NEGR1: variants seen among roughly 807,000 people sequenced by gnomAD.
NEGR1 encodes the protein neuronal growth regulator 1.
A neutral mutation model predicts 40.9 loss-of-function variants in NEGR1; 10 were observed. That is an observed-to-expected ratio of 0.24 (90% CI 0.15 to 0.42). The LOEUF (loss-of-function observed/expected upper bound fraction) is 0.42, where lower values mean the gene tolerates loss of function less well. NEGR1 is among the 10% of genes least tolerant of loss of function. The pLI is 1.00. For missense variants in NEGR1, 352 were observed against 438.9 expected, an observed-to-expected ratio of 0.80 and a Z score of 1.77; for synonymous variants, 185 against 166.8, an observed-to-expected ratio of 1.11 and a Z score of -0.84.
At chr1:71,917,605 C>T (rs949331467) in intron 2 of NEGR1, among the ~76,000 whole-genome samples, 4 of 148,980 alleles carry the variant, frequency 2.7e-5, no homozygotes, top group South Asian at 2.2e-4. Flanking sequence ...GGTGAAACCC[C>T]GTCTCTACTA....
chr1:72,216,392 TATATATATAC>T (rs1653815773), intron 1 of NEGR1, among the ~76,000 whole-genome samples: 1 of 140,816 alleles, frequency 7.1e-6, no homozygotes. Flanking sequence ...TACATATATA[TATATATATAC>T]ATATATATAT....
chr1:72,082,107 T>C (rs1326733335), intron 1 of NEGR1, among the ~76,000 whole-genome samples: 1 of 152,102 alleles, frequency 6.6e-6, no homozygotes, highest in African/African-American at 2.4e-5. Context: ...AAATAAAATG[T>C]GTGAGCCCAT....
chr1:71,563,543 A>G, intron 6 of NEGR1, among the ~76,000 whole-genome samples: 1 of 152,176 alleles, frequency 6.6e-6, no homozygotes, highest in East Asian at 1.9e-4. Flanking sequence ...TGAAAGAACT[A>G]GAAAGACAAG....
At chr1:72,229,155 C>T (rs1301891738) in intron 1 of NEGR1, among the ~76,000 whole-genome samples, 1 of 151,838 alleles carries the variant, frequency 6.6e-6, no homozygotes, top group Non-Finnish European at 1.5e-5. Flanking sequence ...GAAACCATTA[C>T]TAAAATTAGT....
At chr1:72,275,004 C>T in intron 1 of NEGR1, 1 of 1,546,188 alleles carries the variant, frequency 6.5e-7, no homozygotes, top group Non-Finnish European at 8.9e-7. Context: ...CTGTGGAAAC[C>T]AAGGAGCCTG....
At chr1:71,599,816 C>T (rs1036823222) in intron 5 of NEGR1, among the ~76,000 whole-genome samples, 5 of 152,088 alleles carry the variant, frequency 3.3e-5, no homozygotes, top group Admixed American at 6.6e-5. Context: ...CAATTTGATT[C>T]GCATGGGAGG....
intron 6 of NEGR1, among the ~76,000 whole-genome samples, chr1:71,491,849 T>C (rs770145243): frequency 3.7e-4 from 56 of 152,154 alleles, no homozygotes; most frequent in Admixed American, 3.3e-4. Flanking sequence ...TAGAGTGCTA[T>C]GGTTTTTGAA....
intron 1 of NEGR1, among the ~76,000 whole-genome samples, chr1:72,260,240 A>G (rs1381296131): frequency 6.6e-6 from 1 of 152,032 alleles, no homozygotes; most frequent in Non-Finnish European, 1.5e-5. Context: ...AGCTTCCCGC[A>G]AAGGGTTTTT....
intron 1 of NEGR1, among the ~76,000 whole-genome samples, chr1:71,986,581 A>C (rs1646396484): frequency 1.3e-5 from 2 of 152,170 alleles, no homozygotes; most frequent in Admixed American, 1.3e-4. Flanking sequence ...AGGGATTCCA[A>C]ATCTCAGAAC....
At chr1:71,482,969 A>C (rs1293354338) in intron 6 of NEGR1, among the ~76,000 whole-genome samples, 1 of 151,838 alleles carries the variant, frequency 6.6e-6, no homozygotes, top group African/African-American at 2.4e-5. Context: ...GAAATGAATT[A>C]ATCATTAATC....
At chr1:71,989,738 A>C (rs1242520953) in intron 1 of NEGR1, among the ~76,000 whole-genome samples, 1 of 152,170 alleles carries the variant, frequency 6.6e-6, no homozygotes, top group African/African-American at 2.4e-5. Flanking sequence ...CCTCTTAAAA[A>C]AACTTCTTTT....
intron 1 of NEGR1, among the ~76,000 whole-genome samples, chr1:71,990,327 T>C (rs557173770): frequency 9.2e-5 from 14 of 152,284 alleles, no homozygotes; most frequent in African/African-American, 3.4e-4. Flanking sequence ...TATTTAATAT[T>C]GGTAAGCAAA....
intron 5 of NEGR1, among the ~76,000 whole-genome samples, chr1:71,593,262 T>C (rs188490997): frequency 4.4e-4 from 67 of 152,290 alleles, no homozygotes; most frequent in African/African-American, 1.4e-3. Flanking sequence ...AAATGAAACA[T>C]ACCATACCAA....
chr1:72,268,837 T>C (rs1051366384), intron 1 of NEGR1, among the ~76,000 whole-genome samples: 1 of 151,398 alleles, frequency 6.6e-6, no homozygotes, highest in Admixed American at 6.6e-5. Flanking sequence ...TAGAACAATA[T>C]AAAATGGAAG....
chr1:71,443,132 A>G (rs1037945734), intron 6 of NEGR1, among the ~76,000 whole-genome samples: 1 of 152,234 alleles, frequency 6.6e-6, no homozygotes, highest in Non-Finnish European at 1.5e-5. Context: ...CATTCGCTTT[A>G]GCTATCTAAA....
intron 2 of NEGR1, among the ~76,000 whole-genome samples, chr1:71,854,587 G>C (rs1659705181): frequency 6.6e-6 from 1 of 152,080 alleles, no homozygotes; most frequent in Non-Finnish European, 1.5e-5. Context: ...GACTGGGTAA[G>C]TTATAAATAA....
At chr1:71,659,657 T>A (rs1192820146) in intron 4 of NEGR1, among the ~76,000 whole-genome samples, 1 of 151,976 alleles carries the variant, frequency 6.6e-6, no homozygotes, top group Non-Finnish European at 1.5e-5. Context: ...CACTAAAAGG[T>A]GGGCAAAGGA....
intron 1 of NEGR1, among the ~76,000 whole-genome samples, chr1:72,064,356 G>C (rs543532697): frequency 6.6e-6 from 1 of 152,072 alleles, no homozygotes; most frequent in African/African-American, 2.4e-5. Flanking sequence ...CTCTCCCCAG[G>C]CATGTAGAGG....
intron 3 of NEGR1, among the ~76,000 whole-genome samples, chr1:71,763,679 C>A (rs1475069490): frequency 6.6e-6 from 1 of 151,630 alleles, no homozygotes; most frequent in African/African-American, 2.4e-5. Context: ...TTGGTGTGAG[C>A]TTTATGTTAA....
Sources: allele counts gnomAD v4.1 joint callset (sites outside exome capture counted in the v4.1 genomes callset), GRCh38; gene constraint gnomAD v4.1.1; transcripts MANE v1.5; gene names NCBI Gene and HGNC (gene_info 2026-07-23, HGNC 2026-07-21).